NOL4L: variants seen among roughly 807,000 people sequenced by gnomAD.
NOL4L encodes nucleolar protein 4 like.
Under a neutral mutation model 64.5 loss-of-function variants are expected in NOL4L, and 7 were observed. The observed-to-expected ratio is 0.11, with a 90% confidence interval of 0.06 to 0.20. NOL4L has a LOEUF of 0.20. Ranked by LOEUF, NOL4L falls within the 10% of genes least tolerant of loss-of-function variation. NOL4L has a pLI of 1.00. For missense variants in NOL4L, 680 were observed against 967.1 expected (o/e 0.70, Z 3.94); for synonymous variants, 413 against 401.0 (o/e 1.03, Z -0.36).
intron 1 of NOL4L, among the ~76,000 whole-genome samples, chr20:32,545,456 G>A (rs1188777593): frequency 7.2e-5 from 11 of 152,182 alleles, no homozygotes; most frequent in South Asian, 2.1e-4. Context: ...CTCTGCTGCC[G>A]GACAGCCGAC....
intron 4 of NOL4L, among the ~76,000 whole-genome samples, chr20:32,488,272 A>C (rs2016180727): frequency 6.6e-6 from 1 of 152,180 alleles, no homozygotes. Context: ...TGTGGTAGAC[A>C]GTCTCCAAGA....
chr20:32,457,751 C>G (rs996410253), intron 5 of NOL4L, among the ~76,000 whole-genome samples: 1 of 152,198 alleles, frequency 6.6e-6, no homozygotes, highest in African/African-American at 2.4e-5. Flanking sequence ...CCACCACTCC[C>G]TCCATCCTCC....
chr20:32,573,027 T>C (rs1438457679), intron 1 of NOL4L, among the ~76,000 whole-genome samples: 1 of 147,120 alleles, frequency 6.8e-6, no homozygotes, highest in Non-Finnish European at 1.5e-5. Context: ...GGTCATACTA[T>C]CGCATCCTTT....
intron 6 of NOL4L, among the ~76,000 whole-genome samples, chr20:32,455,194 C>T (rs2013366446): frequency 6.6e-6 from 1 of 152,174 alleles, no homozygotes; most frequent in African/African-American, 2.4e-5. Context: ...TCCCTGGGCC[C>T]CCCATGTACC....
At chr20:32,575,170 C>T (rs1460531561) in intron 1 of NOL4L, among the ~76,000 whole-genome samples, 1 of 152,168 alleles carries the variant, frequency 6.6e-6, no homozygotes, top group Non-Finnish European at 1.5e-5. Flanking sequence ...CTCCTGTGAG[C>T]TCCCTGCTGT....
At chr20:32,462,943 G>A (rs950150685) in intron 5 of NOL4L, among the ~76,000 whole-genome samples, 4 of 134,212 alleles carry the variant, frequency 3.0e-5, no homozygotes, top group East Asian at 5.9e-4. Context: ...AAGAGACATC[G>A]ACAGGCGCAC....
chr20:32,454,795 A>G (rs1161269403), intron 6 of NOL4L, among the ~76,000 whole-genome samples: 1 of 152,222 alleles, frequency 6.6e-6, no homozygotes, highest in Non-Finnish European at 1.5e-5. Context: ...AGGTGGCGGT[A>G]TGGTCAGACC....
At chr20:32,462,830 G>A (rs984403370) in intron 5 of NOL4L, among the ~76,000 whole-genome samples, 3 of 146,938 alleles carry the variant, frequency 2.0e-5, no homozygotes, top group East Asian at 2.3e-4. Context: ...GCTTGAACCC[G>A]GGAGGTGGAG....
chr20:32,556,119 C>T (rs554109255), intron 1 of NOL4L, among the ~76,000 whole-genome samples: 6 of 152,184 alleles, frequency 3.9e-5, no homozygotes, highest in Admixed American at 1.3e-4. Flanking sequence ...TAAATACATG[C>T]GGAGTGAGAT....
chr20:32,478,689 A>AC (rs1437653069), intron 4 of NOL4L, among the ~76,000 whole-genome samples: 2 of 151,722 alleles, frequency 1.3e-5, no homozygotes, highest in Non-Finnish European at 2.9e-5. Context: ...TACAGCCTCG[A>AC]CCCCCCAGGC....
intron 1 of NOL4L, among the ~76,000 whole-genome samples, chr20:32,538,543 G>A (rs1184537134): frequency 7.1e-6 from 1 of 140,092 alleles, no homozygotes; most frequent in Non-Finnish European, 1.5e-5. Context: ...GGCTGCAGCT[G>A]AGAACCCAGC....
intron 1 of NOL4L, among the ~76,000 whole-genome samples, chr20:32,574,554 T>A (rs1222211169): frequency 6.6e-6 from 1 of 152,156 alleles, no homozygotes; most frequent in East Asian, 1.9e-4. Context: ...GAGGCCCGAT[T>A]GTGTTTTTCT....
At chr20:32,518,946 C>T (rs2017803065) in intron 3 of NOL4L, among the ~76,000 whole-genome samples, 3 of 152,236 alleles carry the variant, frequency 2.0e-5, no homozygotes, top group Admixed American at 2.0e-4. Flanking sequence ...AGCATTATAA[C>T]AGGAACCGCA....
chr20:32,541,021 A>ACACACACG (rs1485136796), intron 1 of NOL4L, among the ~76,000 whole-genome samples: 1 of 145,384 alleles, frequency 6.9e-6, no homozygotes, highest in Non-Finnish European at 1.6e-5. Context: ...ACACACACAC[A>ACACACACG]CACACACACA....
At chr20:32,562,402 G>A (rs1406898017) in intron 1 of NOL4L, among the ~76,000 whole-genome samples, 1 of 152,140 alleles carries the variant, frequency 6.6e-6, no homozygotes, top group Non-Finnish European at 1.5e-5. Flanking sequence ...TAAAATCCAG[G>A]CTGATTTGCT....
intron 2 of NOL4L, among the ~76,000 whole-genome samples, chr20:32,525,086 C>T (rs180939613): frequency 1.1e-4 from 17 of 152,256 alleles, no homozygotes; most frequent in African/African-American, 3.8e-4. Context: ...AAGTGGGGCA[C>T]GCGGCAGGCA....
intron 4 of NOL4L, chr20:32,509,934 A>T: frequency 1.5e-6 from 2 of 1,304,226 alleles, no homozygotes; most frequent in Non-Finnish European, 2.0e-6. Context: ...GGAGACAGTG[A>T]GGATGGCTAC....
rs1418123165 is a variant in NOL4L, at chr20:32,518,890, G to A, written c.589+1921C>T. Among the ~76,000 whole-genome samples, 3 of 152,256 alleles carry A rather than the reference G, an allele frequency of 2.0e-5. No homozygotes were observed. The East Asian group carries it at 5.8e-4, about 29-fold the overall frequency. ...TGGCCAGGGGCAGCCCACGTGGGTGGCAGCATTCAGGATCACTGGCTCAGG... is the reference window on the plus strand; with the variant it reads ...TGGCCAGGGGCAGCCCACGTGGGTGACAGCATTCAGGATCACTGGCTCAGG... On this transcript the variant is annotated intron_variant, in intron 3 of 10. Transcript: ENST00000621426.
At chr20:32,566,609 C>G (rs1979444704) in intron 1 of NOL4L, among the ~76,000 whole-genome samples, 1 of 152,166 alleles carries the variant, frequency 6.6e-6, no homozygotes, top group Admixed American at 6.5e-5. Context: ...GGCCTTTGCA[C>G]TTGCTGTTCC....
Sources: gnomAD v4.1 joint callset for allele counts (sites outside exome capture counted in the v4.1 genomes callset) on GRCh38, gnomAD v4.1.1 for gene constraint, MANE v1.5 for transcripts, NCBI Gene and HGNC (gene_info 2026-07-23, HGNC 2026-07-21) for gene names.